The following BBS9 variants were observed in gnomAD, a reference collection of about 807,000 sequenced individuals.
BBS9 encodes the protein protein PTHB1.
In BBS9, 89 loss-of-function variants were observed where a neutral mutation model predicts 117.7. The observed-to-expected ratio is 0.76, with a 90% CI of 0.64 to 0.90. The LOEUF is 0.90. Ranked by LOEUF, BBS9 falls within the 40% of genes least tolerant of loss-of-function variation. BBS9 has a pLI of 0.00. For missense variants in BBS9, 982 were observed against 1,042.2 expected (o/e 0.94, Z 0.80); for synonymous variants, 379 against 370.9 (o/e 1.02, Z -0.25).
At chr7:33,522,385 T>A (rs1848761207) in intron 20 of BBS9, among the ~76,000 whole-genome samples, 1 of 150,238 alleles carries the variant, frequency 6.7e-6, no homozygotes, top group South Asian at 2.1e-4. Flanking sequence ...TGTTCCTATT[T>A]CTCCACATCC....
At chr7:33,393,696 C>G (rs1349687861) in intron 19 of BBS9, among the ~76,000 whole-genome samples, 1 of 152,100 alleles carries the variant, frequency 6.6e-6, no homozygotes, top group Non-Finnish European at 1.5e-5. Context: ...CTGGATAGCT[C>G]AAGTGCATCT....
intron 5 of BBS9, among the ~76,000 whole-genome samples, chr7:33,238,838 A>C (rs1242518191): frequency 3.3e-5 from 5 of 152,102 alleles, no homozygotes; most frequent in African/African-American, 1.2e-4. Context: ...CAAGTCAATA[A>C]TTATTCTATT....
At chr7:33,489,899 T>C (rs1843668820) in intron 19 of BBS9, among the ~76,000 whole-genome samples, 1 of 152,178 alleles carries the variant, frequency 6.6e-6, no homozygotes. Context: ...CAAATTCAGC[T>C]CTTTATCACA....
At chr7:33,375,897 T>G (rs913319889) in intron 17 of BBS9, among the ~76,000 whole-genome samples, 13 of 152,174 alleles carry the variant, frequency 8.5e-5, no homozygotes, top group African/African-American at 3.1e-4. Context: ...TAATGGTAAA[T>G]TTTTTATTCC....
chr7:33,351,456 T>C, intron 14 of BBS9, 133 bp downstream of exon 14: 1 of 735,266 alleles, frequency 1.4e-6, no homozygotes, highest in Non-Finnish European at 2.5e-6. Flanking sequence ...TTAAGTAAAA[T>C]CATGTTTTCA....
chr7:33,278,234 GA>G (rs1359574110), intron 9 of BBS9, among the ~76,000 whole-genome samples: 1 of 152,198 alleles, frequency 6.6e-6, no homozygotes, highest in African/African-American at 2.4e-5. Flanking sequence ...TATGATATGG[GA>G]AAAGGGTGAG....
rs544417000 is a variant in BBS9 at position 33,542,572 on chromosome 7, CAT to C, written c.2521+8399_2521+8400del. 2.8e-3 allele frequency among the ~76,000 whole-genome samples: 433 copies of C among 152,248 alleles called. 5 individuals are homozygous for C. The highest frequency in any genetic ancestry group is 0.01 in the African/African-American group (420 of 41,548). On this transcript the variant is annotated intron_variant, in intron 21 of 22. Coordinates refer to ENST00000242067, the MANE Select transcript of BBS9 (RefSeq NM_198428.3). ...CTTAGCTCCCACATATCAGTGAAAACATATGATGTTTGGTTTTCCATTCCTGA... is the reference window on the plus strand; with the variant it reads ...CTTAGCTCCCACATATCAGTGAAAACATGATGTTTGGTTTTCCATTCCTGA...
intron 5 of BBS9, among the ~76,000 whole-genome samples, chr7:33,208,681 C>A (rs60491621): frequency 0.085 from 12,907 of 152,134 alleles, 587 homozygotes; most frequent in South Asian, 0.14. Flanking sequence ...GTGAAGGCAG[C>A]AAATGTTCTT....
chr7:33,331,717 C>CA (rs1224388478), intron 9 of BBS9, among the ~76,000 whole-genome samples: 3 of 143,740 alleles, frequency 2.1e-5, no homozygotes, highest in African/African-American at 5.1e-5. Context: ...CCACCACCAA[C>CA]AAAAAATCTT....
Position 33,195,737 on chromosome 7 carries a change from C to CT in BBS9, c.442+18147dup, listed in dbSNP as rs1461902989. 3.3e-5 allele frequency among the ~76,000 whole-genome samples: 5 copies of CT among 152,244 alleles called. No homozygotes were observed. In the East Asian group the frequency reaches 9.6e-4, roughly 29 times the overall value. ...ATCTTTTCATCTGTAACACTTTTCT[C>CT]TCTGTGTCCTGTGAAAATTCATTTT... On this transcript the variant is annotated intron_variant, in intron 5 of 22. Transcript: ENST00000242067.
chr7:33,301,438 C>T (rs776751777), intron 9 of BBS9, among the ~76,000 whole-genome samples: 1 of 152,138 alleles, frequency 6.6e-6, no homozygotes, highest in South Asian at 2.1e-4. Flanking sequence ...GCATTCCCAG[C>T]CTCTGGTAAC....
intron 20 of BBS9, among the ~76,000 whole-genome samples, chr7:33,505,981 A>G (rs1026521742): frequency 1.2e-4 from 19 of 152,210 alleles, no homozygotes; most frequent in African/African-American, 4.6e-4. Flanking sequence ...CTTTTCCGCC[A>G]GAGAAAACAC....
intron 2 of BBS9, among the ~76,000 whole-genome samples, chr7:33,150,570 T>C (rs552529392): frequency 6.6e-6 from 1 of 152,230 alleles, no homozygotes; most frequent in South Asian, 2.1e-4. Context: ...CTGAAGGAGC[T>C]GAGAACCAAA....
At chr7:33,400,842 A>C (rs1316519489) in intron 19 of BBS9, among the ~76,000 whole-genome samples, 1 of 152,204 alleles carries the variant, frequency 6.6e-6, no homozygotes, top group Middle Eastern at 3.2e-3. Flanking sequence ...GCCCAGCTGT[A>C]TAGCCTGGAA....
At chr7:33,411,537 C>T (rs998810115) in intron 19 of BBS9, among the ~76,000 whole-genome samples, 1 of 152,062 alleles carries the variant, frequency 6.6e-6, no homozygotes, top group African/African-American at 2.4e-5. Context: ...GATCAGATTT[C>T]AAGAAACAAC....
At chr7:33,328,205 T>C (rs540776996) in intron 9 of BBS9, among the ~76,000 whole-genome samples, 203 of 152,362 alleles carry the variant, frequency 1.3e-3, no homozygotes, top group African/African-American at 4.7e-3. Context: ...ATCCACCTTC[T>C]GCATCCTCTG....
chr7:33,316,758 T>C (rs1328820005), intron 9 of BBS9, among the ~76,000 whole-genome samples: 2 of 152,208 alleles, frequency 1.3e-5, no homozygotes, highest in Non-Finnish European at 2.9e-5. Flanking sequence ...AGTAGTTCTT[T>C]ATATAGAAGG....
chr7:33,601,497 C>T, intron 21 of BBS9, among the ~76,000 whole-genome samples: 1 of 152,050 alleles, frequency 6.6e-6, no homozygotes, highest in East Asian at 1.9e-4. Context: ...GTTTGCTTAA[C>T]CTTAAATTTT....
chr7:33,489,617 T>C (rs1843629957), intron 19 of BBS9, among the ~76,000 whole-genome samples: 1 of 152,192 alleles, frequency 6.6e-6, no homozygotes, highest in Admixed American at 6.5e-5. Flanking sequence ...ATAATCTGTG[T>C]AATCTTTCTT....
Sources: gnomAD v4.1 joint callset for allele counts (sites outside exome capture counted in the v4.1 genomes callset) on GRCh38, gnomAD v4.1.1 for gene constraint, MANE v1.5 for transcripts, NCBI Gene and HGNC (gene_info 2026-07-23, HGNC 2026-07-21) for gene names.